Variants in CADM2 observed in about 807,000 individuals in gnomAD.
The protein encoded by CADM2 is immunoglobulin superfamily member 4D.
CADM2 carries 12 observed loss-of-function variants against 49.8 expected under a neutral mutation model. The ratio of observed to expected loss-of-function variants is 0.24; its 90% CI spans 0.15 to 0.39. CADM2 has a LOEUF of 0.39. Among genes scored for constraint, CADM2 ranks in the 10% least tolerant of loss-of-function variants. The pLI is 1.00. For missense variants in CADM2, 378 were observed against 492.3 expected (o/e 0.77, Z 2.20); for synonymous variants, 214 against 175.4 (o/e 1.22, Z -1.74).
intron 1 of CADM2, among the ~76,000 whole-genome samples, chr3:85,442,471 A>C (rs2037248797): frequency 2.1e-5 from 2 of 96,860 alleles, no homozygotes; most frequent in Admixed American, 1.2e-4. Context: ...TACAAAGAAA[A>C]ATAATAATTC....
chr3:85,936,571 A>G (rs896010624), intron 7 of CADM2, among the ~76,000 whole-genome samples: 2 of 151,902 alleles, frequency 1.3e-5, no homozygotes, highest in African/African-American at 2.4e-5. Context: ...TATGTAATTT[A>G]CTTGATTTGT....
intron 5 of CADM2, among the ~76,000 whole-genome samples, chr3:85,911,426 C>T (rs1332016904): frequency 6.6e-6 from 1 of 152,190 alleles, no homozygotes; most frequent in African/African-American, 2.4e-5. Context: ...GAATTCACAT[C>T]TTGTAGAAAG....
chr3:85,008,096 C>A (rs1355428223), intron 1 of CADM2, among the ~76,000 whole-genome samples: 3 of 152,130 alleles, frequency 2.0e-5, no homozygotes, highest in Non-Finnish European at 4.4e-5. Flanking sequence ...GCTCAACTAC[C>A]TAAAACACTG....
chr3:85,310,717 T>C (rs1013266866), intron 1 of CADM2, among the ~76,000 whole-genome samples: 39 of 152,192 alleles, frequency 2.6e-4, no homozygotes, highest in Non-Finnish European at 4.9e-4. Context: ...TGGTTTTTTC[T>C]GTTCCTTTTT....
chr3:85,481,193 C>A, intron 1 of CADM2, among the ~76,000 whole-genome samples: 1 of 146,422 alleles, frequency 6.8e-6, no homozygotes, highest in Admixed American at 7.0e-5. Context: ...CATTATACAC[C>A]CACATACACA....
intron 1 of CADM2, among the ~76,000 whole-genome samples, chr3:85,560,730 G>A (rs1435764149): frequency 2.6e-5 from 4 of 152,170 alleles, no homozygotes; most frequent in Non-Finnish European, 5.9e-5. Context: ...CCAAATTGCT[G>A]TGGTTTTGTT....
chr3:85,742,247 G>T (rs991564313), intron 2 of CADM2, among the ~76,000 whole-genome samples: 3 of 152,150 alleles, frequency 2.0e-5, no homozygotes, highest in Non-Finnish European at 4.4e-5. Flanking sequence ...GCAGGCATTG[G>T]CCTGAGAGGT....
At chr3:85,761,685 T>C (rs2069388968) in intron 2 of CADM2, among the ~76,000 whole-genome samples, 2 of 152,156 alleles carry the variant, frequency 1.3e-5, no homozygotes, top group Admixed American at 6.5e-5. Context: ...ACAAAACTTA[T>C]TTTAATAGAT....
intron 1 of CADM2, among the ~76,000 whole-genome samples, chr3:85,546,512 A>G (rs891544110): frequency 3.3e-5 from 5 of 152,032 alleles, no homozygotes; most frequent in African/African-American, 9.7e-5. Context: ...TACCCTAAAT[A>G]TATATATAAT....
At chr3:85,368,616 T>C (rs2107308699) in intron 1 of CADM2, among the ~76,000 whole-genome samples, 1 of 151,804 alleles carries the variant, frequency 6.6e-6, no homozygotes, top group South Asian at 2.1e-4. Flanking sequence ...CCTAGATTTA[T>C]TTACCCTTCT....
chr3:85,489,661 G>T (rs905758778), intron 1 of CADM2, among the ~76,000 whole-genome samples: 1 of 127,808 alleles, frequency 7.8e-6, no homozygotes, highest in East Asian at 2.3e-4. Flanking sequence ...AATAATAAAA[G>T]AAAAAAAATC....
chr3:85,851,990 A>G (rs1577475252), intron 3 of CADM2, among the ~76,000 whole-genome samples: 3 of 152,036 alleles, frequency 2.0e-5, no homozygotes, highest in African/African-American at 4.8e-5. Context: ...AGATTCTTGT[A>G]ATATAACTAC....
At chr3:85,443,582 C>A (rs1305602665) in intron 1 of CADM2, among the ~76,000 whole-genome samples, 1 of 152,070 alleles carries the variant, frequency 6.6e-6, no homozygotes, top group East Asian at 1.9e-4. Context: ...ATTGTTAAAT[C>A]AACTTTTCTA....
chr3:85,704,486 T>C (rs955686702), intron 1 of CADM2, among the ~76,000 whole-genome samples: 3 of 152,166 alleles, frequency 2.0e-5, no homozygotes, highest in African/African-American at 4.8e-5. Context: ...ATCCTGGTTA[T>C]GGATGACCAC....
At chr3:85,847,549 C>T (rs553341941) in intron 3 of CADM2, among the ~76,000 whole-genome samples, 1 of 152,204 alleles carries the variant, frequency 6.6e-6, no homozygotes, top group Admixed American at 6.5e-5. Flanking sequence ...TAAAAATGTT[C>T]TTGGAGAAAT....
chr3:85,687,792 T>C (rs2066259396), intron 1 of CADM2, among the ~76,000 whole-genome samples: 1 of 151,956 alleles, frequency 6.6e-6, no homozygotes, highest in Admixed American at 6.6e-5. Context: ...AGAGCAAGGG[T>C]CCCCACACTG....
At chr3:85,747,064 G>C (rs2068648329) in intron 2 of CADM2, among the ~76,000 whole-genome samples, 1 of 151,958 alleles carries the variant, frequency 6.6e-6, no homozygotes, top group Admixed American at 6.6e-5. Flanking sequence ...GGAAATATAA[G>C]AAAAATATGT....
intron 1 of CADM2, among the ~76,000 whole-genome samples, chr3:85,271,427 C>T (rs1420811899): frequency 1.3e-5 from 2 of 151,228 alleles, no homozygotes; most frequent in South Asian, 2.1e-4. Context: ...GAAGCATCAT[C>T]ATAGAAAGCA....
At chr3:85,138,742 T>C (rs2039491717) in intron 1 of CADM2, among the ~76,000 whole-genome samples, 1 of 152,190 alleles carries the variant, frequency 6.6e-6, no homozygotes, top group Non-Finnish European at 1.5e-5. Flanking sequence ...GCCACCATCC[T>C]GGAGGAGACA....
Sources: allele counts gnomAD v4.1 joint callset (sites outside exome capture counted in the v4.1 genomes callset), GRCh38; gene constraint gnomAD v4.1.1; transcripts MANE v1.5; gene names NCBI Gene and HGNC (gene_info 2026-07-23, HGNC 2026-07-21).